The following FYB2 variants were observed in gnomAD, a reference collection of about 807,000 sequenced individuals.
The protein encoded by FYB2 is FYN-binding protein 2.
Under a neutral mutation model 94.1 loss-of-function variants are expected in FYB2, and 103 were observed. The observed-to-expected ratio is 1.09, with a 90% confidence interval of 0.93 to 1.29. FYB2 has a LOEUF of 1.29. Ranked by LOEUF, FYB2 falls within the 50% of genes most tolerant of loss-of-function variation. The probability of loss-of-function intolerance (pLI) is 0.00; values close to 1 mark genes in which losing one functional copy is unlikely to be tolerated. For synonymous variants in FYB2, 293 were observed against 287.9 expected, an observed-to-expected ratio of 1.02 and a Z score of -0.18; for missense variants, 896 against 841.5, an observed-to-expected ratio of 1.06 and a Z score of -0.80.
intron 4 of FYB2, among the ~76,000 whole-genome samples, chr1:56,771,678 A>G (rs1018141007): frequency 3.9e-5 from 6 of 152,198 alleles, no homozygotes; most frequent in Non-Finnish European, 7.4e-5. Context: ...TCACAACTAC[A>G]TCACAGCACA....
chr1:56,795,210 T>C (rs935851373), intron 1 of FYB2, among the ~76,000 whole-genome samples: 4 of 152,146 alleles, frequency 2.6e-5, no homozygotes. Flanking sequence ...CTAGGTACTG[T>C]ATAAGAGGAA....
intron 4 of FYB2, among the ~76,000 whole-genome samples, chr1:56,780,711 T>C (rs1235306617): frequency 6.6e-6 from 1 of 152,114 alleles, no homozygotes; most frequent in Non-Finnish European, 1.5e-5. Flanking sequence ...ATAGAAGTTA[T>C]AGGTGAGATT....
Position 56,792,215 on chromosome 1 carries a change from C to T in FYB2, c.598G>A (p.Val200Met), listed in dbSNP as rs771123353. The T allele has an allele frequency of 3.3e-5, 53 of 1,613,786 alleles. No individual in the cohort carries two copies. Among genetic ancestry groups the T allele is most frequent in the Non-Finnish European group, 4.2e-5 (50 of 1,179,948 alleles). ...TTATGTAATATTTTGGGGGCCACCA[C>T]GTGCTTCTGGGAAGGAAGAGTCTGG... ...GAQTLPSQKHVVAPKILHNVS... is the reference protein window; with the variant it reads ...GAQTLPSQKHMVAPKILHNVS... The change falls in exon 2 of 20, where the codon GTG becomes ATG. Residue 200 changes from valine (V) to methionine (M), a missense_variant. Coordinates refer to ENST00000343433, the MANE Select transcript of FYB2 (RefSeq NM_001004303.5).
chr1:56,769,170 C>T (rs1414870130), intron 4 of FYB2, among the ~76,000 whole-genome samples: 1 of 152,118 alleles, frequency 6.6e-6, no homozygotes, highest in Non-Finnish European at 1.5e-5. Context: ...TCCTGAATAG[C>T]TGGGACTACA....
intron 15 of FYB2, 84 bp downstream of exon 15, chr1:56,737,003 A>G: frequency 9.5e-7 from 1 of 1,047,472 alleles, no homozygotes; most frequent in South Asian, 1.4e-5. Flanking sequence ...GGATCTGAAA[A>G]GATGGTTCTG....
In FYB2 at chr1:56,719,454, T is replaced by C. The variant is rs1644444245; in HGVS notation, c.*217A>G. 5 of 496,662 alleles carry C rather than the reference T, an allele frequency of 1.0e-5. No homozygotes were observed. The highest frequency in any genetic ancestry group is 7.1e-5 in the South Asian group (2 of 27,982). 30.8% of individuals were successfully genotyped at this position (496,662 alleles called of 1,614,324 possible). A position where few individuals can be genotyped will look rare whatever the true frequency, so the allele number is the denominator to read the frequency against. ...CTTGAACTGACAGTGAAGTAGATACTGAAATAGACATTGAAAGATAACCTT... is the reference window on the plus strand; with the variant it reads ...CTTGAACTGACAGTGAAGTAGATACCGAAATAGACATTGAAAGATAACCTT... On this transcript the variant is annotated 3_prime_UTR_variant, in exon 20 of 20. Transcript: ENST00000343433.
chr1:56,728,029 G>A (rs913562460), intron 15 of FYB2, among the ~76,000 whole-genome samples: 1 of 151,980 alleles, frequency 6.6e-6, no homozygotes, highest in Non-Finnish European at 1.5e-5. Context: ...TCAAACAAAA[G>A]AGAAAAAGAA....
chr1:56,722,407 T>C (rs1438824761), intron 17 of FYB2, among the ~76,000 whole-genome samples: 3 of 152,136 alleles, frequency 2.0e-5, no homozygotes, highest in Non-Finnish European at 2.9e-5. Context: ...GATGAACATG[T>C]AATTCCAATT....
At chr1:56,740,429 T>C (rs1230565015) in intron 13 of FYB2, among the ~76,000 whole-genome samples, 2 of 152,088 alleles carry the variant, frequency 1.3e-5, no homozygotes, top group African/African-American at 4.8e-5. Context: ...AAGTTTCCTT[T>C]CTGGACTTCG....
chr1:56,813,897 G>T (rs1355881831), intron 1 of FYB2, among the ~76,000 whole-genome samples: 1 of 152,188 alleles, frequency 6.6e-6, no homozygotes, highest in Non-Finnish European at 1.5e-5. Flanking sequence ...AAACAGTGGA[G>T]CCAGAAATGT....
intron 1 of FYB2, 100 bp from the exon 2 acceptor site, chr1:56,792,903 T>A: frequency 2.3e-5 from 28 of 1,224,702 alleles, no homozygotes; most frequent in Non-Finnish European, 2.7e-5. Context: ...AAAGTCAGTG[T>A]GATTAGATCT....
intron 17 of FYB2, among the ~76,000 whole-genome samples, chr1:56,722,466 G>C (rs1378878848): frequency 6.6e-6 from 1 of 152,068 alleles, no homozygotes; most frequent in Non-Finnish European, 1.5e-5. Flanking sequence ...TAGGTAAACA[G>C]AAGAAGAGTA....
intron 1 of FYB2, among the ~76,000 whole-genome samples, chr1:56,794,330 AT>A (rs768164590): frequency 3.4e-4 from 52 of 152,138 alleles, no homozygotes; most frequent in Non-Finnish European, 7.2e-4. Context: ...ACTGCATTAG[AT>A]TTTGTAAATG....
At chr1:56,792,922 T>A in intron 1 of FYB2, 119 bp from the exon 2 acceptor site, 1 of 1,084,596 alleles carries the variant, frequency 9.2e-7, no homozygotes, top group African/African-American at 1.6e-5. Flanking sequence ...CTCACTGATC[T>A]CACCATGTTA....
chr1:56,741,651 C>G (rs1644956125), intron 12 of FYB2, among the ~76,000 whole-genome samples: 1 of 151,884 alleles, frequency 6.6e-6, no homozygotes. Flanking sequence ...TCCTTAATAA[C>G]TAAACTTGTA....
At chr1:56,817,278 G>A (rs78637383) in intron 1 of FYB2, among the ~76,000 whole-genome samples, 5,345 of 152,242 alleles carry the variant, frequency 0.035, 118 homozygotes, top group Middle Eastern at 0.11. Context: ...GCCTCAGGGC[G>A]TTTATATCTG....
intron 5 of FYB2, among the ~76,000 whole-genome samples, chr1:56,759,216 C>T (rs1404162758): frequency 1.3e-5 from 2 of 152,156 alleles, no homozygotes; most frequent in African/African-American, 2.4e-5. Flanking sequence ...AAGGCTGACC[C>T]ACCTTTTGAC....
upstream of FYB2, chr1:56,823,686 T>A (rs986990240): frequency 8.5e-5 from 13 of 152,318 alleles, no homozygotes; most frequent in African/African-American, 3.1e-4. Context: ...TGCTTTTCTT[T>A]TAATTGTCTT....
chr1:56,800,189 G>A (rs1400756621), intron 1 of FYB2, among the ~76,000 whole-genome samples: 1 of 152,148 alleles, frequency 6.6e-6, no homozygotes, highest in Non-Finnish European at 1.5e-5. Flanking sequence ...CAAATTACGT[G>A]CCCAGGAAGA....
Sources: allele counts gnomAD v4.1 joint callset (sites outside exome capture counted in the v4.1 genomes callset), GRCh38; gene constraint gnomAD v4.1.1; transcripts MANE v1.5; gene names NCBI Gene and HGNC (gene_info 2026-07-23, HGNC 2026-07-21).